The following KCNMA1 variants were observed in gnomAD, a reference collection of about 807,000 sequenced individuals.
The protein encoded by KCNMA1 is potassium calcium-activated channel subfamily M alpha 1, also known as Calcium-activated potassium channel subunit alpha-1.
In KCNMA1, 29 loss-of-function variants were observed where a neutral mutation model predicts 140.0. The observed-to-expected ratio is 0.21, with a 90% CI of 0.15 to 0.28. KCNMA1 has a LOEUF of 0.28. Among genes scored for constraint, KCNMA1 ranks in the 10% least tolerant of loss-of-function variants. KCNMA1 has a pLI of 1.00. For missense variants in KCNMA1, 880 were observed against 1,602.2 expected (o/e 0.55, Z 7.70); for synonymous variants, 612 against 611.9 (o/e 1.00, Z 0.00).
At chr10:77,498,269 G>A (rs1185440309) in intron 1 of KCNMA1, among the ~76,000 whole-genome samples, 1 of 152,242 alleles carries the variant, frequency 6.6e-6, no homozygotes, top group African/African-American at 2.4e-5. Flanking sequence ...ATCAGGCACC[G>A]GGACTCCCTG....
intron 12 of KCNMA1, among the ~76,000 whole-genome samples, chr10:77,082,025 T>C (rs1348656340): frequency 2.4e-5 from 2 of 83,058 alleles, no homozygotes; most frequent in Admixed American, 2.6e-4. Flanking sequence ...TTTTTTTTTT[T>C]TTTTTTTTTT....
At chr10:77,156,227 TAAAAAAAAAAAAA>T (rs58950492) in intron 5 of KCNMA1, among the ~76,000 whole-genome samples, 4,405 of 120,620 alleles carry the variant, frequency 0.037, 270 homozygotes, top group African/African-American at 0.13. Context: ...GACTCCATCT[TAAAAAAAAAAAAA>T]AAAAAAAAAA....
At chr10:77,496,613 AAAAAAAAAAAG>A (rs2042045625) in intron 1 of KCNMA1, among the ~76,000 whole-genome samples, 1 of 129,384 alleles carries the variant, frequency 7.7e-6, no homozygotes, top group Non-Finnish European at 1.6e-5. Flanking sequence ...AAAAAAAAAA[AAAAAAAAAAAG>A]AGGACAGGTT....
At chr10:77,242,636 C>T (rs1345923545) in intron 3 of KCNMA1, among the ~76,000 whole-genome samples, 2 of 151,962 alleles carry the variant, frequency 1.3e-5, no homozygotes, top group Admixed American at 6.6e-5. Context: ...ACTTCCTGCC[C>T]CTTGTAAAAA....
chr10:77,535,411 G>A (rs949904434), intron 1 of KCNMA1, among the ~76,000 whole-genome samples: 2 of 152,240 alleles, frequency 1.3e-5, no homozygotes, highest in African/African-American at 4.8e-5. Flanking sequence ...TGGCAAGGAA[G>A]TGGAGAACAG....
chr10:77,023,416 A>T (rs920991027), intron 16 of KCNMA1, among the ~76,000 whole-genome samples: 6 of 152,168 alleles, frequency 3.9e-5, no homozygotes, highest in East Asian at 1.9e-4. Context: ...GGCAATTTTT[A>T]AAAAATAGCA....
At chr10:76,947,338 AAAAC>A (rs976129080) in intron 22 of KCNMA1, among the ~76,000 whole-genome samples, 6 of 152,138 alleles carry the variant, frequency 3.9e-5, no homozygotes, top group Non-Finnish European at 5.9e-5. Context: ...ACTTGGACTC[AAAAC>A]AAACAAACAA....
chr10:76,953,658 A>G lies in KCNMA1; in HGVS notation c.2484+143T>C, dbSNP rs150996152. 5.6e-5 allele frequency: 56 copies of G among 995,956 alleles called. No homozygotes were observed. The African/African-American group carries it at 6.0e-4, about 11-fold the overall frequency. The allele number at this position is 995,956 out of a possible 1,614,324, so 61.7% of individuals were successfully genotyped here. On this transcript the variant is annotated intron_variant, in intron 21 of 27. Transcript: ENST00000286628. ...TCTGATCAGAGGTCTAGCTGCTTCA[A>G]TCTATGCTCAGAATTTCACTCATCA... is the stretch of plus-strand genomic sequence containing the variant.
chr10:77,271,829 C>T (rs1397406184), intron 2 of KCNMA1, among the ~76,000 whole-genome samples: 3 of 152,176 alleles, frequency 2.0e-5, no homozygotes, highest in African/African-American at 7.2e-5. Flanking sequence ...CACAACCCCA[C>T]ACCCTGGGGG....
At chr10:77,236,149 G>A (rs1438960454) in intron 3 of KCNMA1, among the ~76,000 whole-genome samples, 1 of 152,148 alleles carries the variant, frequency 6.6e-6, no homozygotes, top group Admixed American at 6.5e-5. Flanking sequence ...CGAGGCCCGG[G>A]CGAACTTTCT....
chr10:77,092,497 A>G (rs2096838835), intron 9 of KCNMA1, among the ~76,000 whole-genome samples: 1 of 152,226 alleles, frequency 6.6e-6, no homozygotes, highest in Non-Finnish European at 1.5e-5. Context: ...GAGCAAAGCC[A>G]ACATGAATCC....
intron 1 of KCNMA1, among the ~76,000 whole-genome samples, chr10:77,629,031 G>A (rs557598685): frequency 4.3e-4 from 65 of 152,306 alleles, no homozygotes; most frequent in African/African-American, 1.2e-3. Flanking sequence ...GAAAATAAAG[G>A]AGATGTGTTA....
At chr10:77,046,651 C>CT (rs1298030220) in intron 14 of KCNMA1, among the ~76,000 whole-genome samples, 22 of 152,330 alleles carry the variant, frequency 1.4e-4, no homozygotes, top group Non-Finnish European at 2.8e-4. Flanking sequence ...CAGATTCTCT[C>CT]CTCCTCTATT....
chr10:77,011,840 G>T, intron 18 of KCNMA1, 127 bp downstream of exon 18: 1 of 842,766 alleles, frequency 1.2e-6, no homozygotes, highest in Non-Finnish European at 2.0e-6. Flanking sequence ...AAACTGCTGG[G>T]TGAAACATAA....
At chr10:77,503,905 A>G (rs2044821409) in intron 1 of KCNMA1, among the ~76,000 whole-genome samples, 1 of 152,146 alleles carries the variant, frequency 6.6e-6, no homozygotes, top group Non-Finnish European at 1.5e-5. Flanking sequence ...CTAAGTTTTC[A>G]CTGGGCATTT....
chr10:76,969,849 C>T, intron 20 of KCNMA1, 125 bp downstream of exon 20: 1 of 748,096 alleles, frequency 1.3e-6, no homozygotes, highest in East Asian at 2.5e-5. Context: ...AACGATCTCG[C>T]TCCCCTCCCC....
At position 76,885,613 on chromosome 10, in the gene KCNMA1, C is replaced by G. The variant is rs879072994; in HGVS notation, c.*1653G>C. The G allele has an allele frequency of 1.8e-5, 18 of 985,354 alleles. No individual in the cohort carries two copies. The South Asian group carries it at 5.6e-4, about 31-fold the overall frequency. The allele number at this position is 985,354 out of a possible 1,614,324, so 61.0% of individuals were successfully genotyped here. On this transcript the variant is annotated 3_prime_UTR_variant, in exon 28 of 28. Coordinates refer to ENST00000286628, the MANE Select transcript of KCNMA1 (RefSeq NM_001161352.2). ...CAGCTGTGACATGTTTTCCTCCTCCCTTTTACCCCTATTCTATTCGATGGA... is the reference window on the plus strand; with the variant it reads ...CAGCTGTGACATGTTTTCCTCCTCCGTTTTACCCCTATTCTATTCGATGGA...
intron 15 of KCNMA1, among the ~76,000 whole-genome samples, chr10:77,036,930 T>C (rs1244366195): frequency 1.3e-5 from 2 of 152,232 alleles, no homozygotes; most frequent in African/African-American, 4.8e-5. Flanking sequence ...AATGTCCTTC[T>C]TTTATTGATC....
intron 13 of KCNMA1, among the ~76,000 whole-genome samples, chr10:77,077,077 A>C (rs1451211735): frequency 6.6e-6 from 1 of 152,218 alleles, no homozygotes; most frequent in African/African-American, 2.4e-5. Context: ...GAGGAAGAAA[A>C]TGTATTGAAA....
Sources: gnomAD v4.1 joint callset for allele counts (sites outside exome capture counted in the v4.1 genomes callset) on GRCh38, gnomAD v4.1.1 for gene constraint, MANE v1.5 for transcripts, NCBI Gene and HGNC (gene_info 2026-07-23, HGNC 2026-07-21) for gene names.